The following TRIM67 variants were observed in gnomAD, a reference collection of about 807,000 sequenced individuals.
TRIM67 encodes tripartite motif containing 67, also known as tripartite motif-containing protein 67.
In TRIM67, 39 loss-of-function variants were observed where a neutral mutation model predicts 71.0. That is an observed-to-expected ratio of 0.55 (90% CI 0.43 to 0.72). The LOEUF (loss-of-function observed/expected upper bound fraction) is 0.72, where lower values mean the gene tolerates loss of function less well. TRIM67 is among the 30% of genes least tolerant of loss of function. The pLI is 0.00. For synonymous variants in TRIM67, 481 were observed against 473.9 expected (o/e 1.01, Z -0.19); for missense variants, 973 against 1,079.2 (o/e 0.90, Z 1.38).
chr1:231,212,821 T>TCACCGAGTGGA (rs1228773043), intron 8 of TRIM67, among the ~76,000 whole-genome samples: 4 of 152,296 alleles, frequency 2.6e-5, no homozygotes, highest in African/African-American at 9.6e-5. Context: ...TTCCTTACTT[T>TCACCGAGTGGA]TATTATAGAT....
intron 1 of TRIM67, among the ~76,000 whole-genome samples, chr1:231,176,173 C>A (rs1473083127): frequency 6.6e-6 from 1 of 152,164 alleles, no homozygotes; most frequent in Non-Finnish European, 1.5e-5. Context: ...GTTAAGAATT[C>A]TTTGAGTGCC....
intron 1 of TRIM67, among the ~76,000 whole-genome samples, chr1:231,171,272 G>C (rs182367163): frequency 3.0e-4 from 45 of 152,282 alleles, no homozygotes; most frequent in Middle Eastern, 3.4e-3. Flanking sequence ...CCCAGAGATG[G>C]GCAGGAATCT....
chr1:231,203,241 C>T (rs1209653073), intron 5 of TRIM67, among the ~76,000 whole-genome samples: 1 of 152,254 alleles, frequency 6.6e-6, no homozygotes, highest in Non-Finnish European at 1.5e-5. Flanking sequence ...CTCCCACTCT[C>T]ACCTTAATAG....
intron 4 of TRIM67, among the ~76,000 whole-genome samples, chr1:231,201,020 G>T (rs1338394435): frequency 6.6e-6 from 1 of 152,122 alleles, no homozygotes; most frequent in Non-Finnish European, 1.5e-5. Flanking sequence ...ACTTTGCAAA[G>T]TACTAGATCT....
rs1052243892 is a variant in TRIM67 at position 231,218,371 on chromosome 1, A to T, written c.*2931A>T. On this transcript the variant is annotated 3_prime_UTR_variant, in exon 10 of 10. Coordinates refer to ENST00000366653, the MANE Select transcript of TRIM67 (RefSeq NM_001004342.5). The stretch of plus-strand genomic sequence containing the variant: ...CAGTTTCAGTGAAAAAGGAATTCAA[A>T]GTAGTTTAAAAATGTCGAGTTCCAT... 3.0e-6 allele frequency: 3 copies of T among 985,992 alleles called. No individual in the cohort carries two copies. Among genetic ancestry groups the T allele is most frequent in the Non-Finnish European group, 3.6e-6 (3 of 830,392 alleles). The allele number at this position is 985,992 out of a possible 1,614,324, so 61.1% of individuals were successfully genotyped here.
rs1006315995 is a variant in TRIM67, at chr1:231,217,751, G to A, written c.*2311G>A. ...GTGGCCCCAGCTCTGCAGAAGAATC[G>A]CCCATCATTGGAGCACAAGTTGCCT... On this transcript the variant is annotated 3_prime_UTR_variant, in exon 10 of 10. Coordinates refer to ENST00000366653, the MANE Select transcript of TRIM67 (RefSeq NM_001004342.5). 4.1e-5 allele frequency: 52 copies of A among 1,269,628 alleles called. No individual in the cohort carries two copies. Among genetic ancestry groups the A allele is most frequent in the Admixed American group, 1.5e-4 (6 of 41,072 alleles). 78.6% of individuals were successfully genotyped at this position (1,269,628 alleles called of 1,614,324 possible).
Position 231,209,090 on chromosome 1 carries a change from C to A in TRIM67, c.1963C>A (p.Leu655Met). The A allele has an allele frequency of 6.2e-7, 1 of 1,613,970 alleles. No individual in the cohort carries two copies. The highest frequency in any genetic ancestry group is 8.5e-7 in the Non-Finnish European group (1 of 1,179,864). ...CTCCAAGGGCGTGCACTACTGGGAG[C>A]TGCACGTGGACCGGTACGACAACCA... is the stretch of plus-strand genomic sequence containing the variant. ...AFSKGVHYWE[L>M]HVDRYDNHPD... The change falls in exon 8 of 10, where the codon CTG (leucine) becomes ATG (methionine). Residue 655 changes from leucine to methionine, a missense_variant. Around this residue, in one of 2 missense-constraint regions of TRIM67, gnomAD observed 178 missense variants for 247.9 expected, o/e 0.72. Coordinates refer to ENST00000366653, the MANE Select transcript of TRIM67 (RefSeq NM_001004342.5). This position sits in a 1 kb window ranked among gnomAD's most constrained non-coding sequence, Gnocchi z 4.1.
At chr1:231,173,957 C>A (rs537709158) in intron 1 of TRIM67, among the ~76,000 whole-genome samples, 112 of 152,164 alleles carry the variant, frequency 7.4e-4, no homozygotes, top group African/African-American at 2.0e-3. Context: ...GCTTCTTGGA[C>A]TTTTGGTTTG....
rs541733205 is a variant in TRIM67 at position 231,207,256 on chromosome 1, A to T, written c.1819+466A>T. ...GTGAGTAGGACAGTCCCAGACAAGA[A>T]AACTCCACGATAGATGCAGTGGGCC... On this transcript the variant is annotated intron_variant, in intron 7 of 9. Coordinates refer to ENST00000366653, the MANE Select transcript of TRIM67 (RefSeq NM_001004342.5). Among the ~76,000 whole-genome samples the T allele has an allele frequency of 8.5e-5, 13 of 152,302 alleles. 1 individual carries two copies. In the South Asian group the frequency reaches 2.7e-3, roughly 32 times the overall value.
chr1:231,168,293 G>A (rs1221976180), intron 1 of TRIM67, among the ~76,000 whole-genome samples: 1 of 152,210 alleles, frequency 6.6e-6, no homozygotes, highest in Non-Finnish European at 1.5e-5. Flanking sequence ...CATTTCTGAC[G>A]GCTGCCTGCC....
intron 5 of TRIM67, among the ~76,000 whole-genome samples, chr1:231,202,132 T>TAATGGAGGAGGAGGAGGAGATGGA (rs1683556605): frequency 0.012 from 39 of 3,286 alleles, no homozygotes; most frequent in African/African-American, 0.026. Flanking sequence ...GAGGAGGAGA[T>TAATGGAGGAGGAGGAGGAGATGGA]GGAGGAGGAG....
At chr1:231,213,094 A>G (rs1683918332) in intron 8 of TRIM67, among the ~76,000 whole-genome samples, 1 of 152,170 alleles carries the variant, frequency 6.6e-6, no homozygotes, top group Non-Finnish European at 1.5e-5. Flanking sequence ...GGATGTCCAC[A>G]TCTTCATCGA....
Position 231,216,381 on chromosome 1 carries a change from C to T in TRIM67, c.*941C>T, listed in dbSNP as rs1684014266. 1 of 985,296 alleles carries T rather than the reference C, an allele frequency of 1.0e-6. No individual in the cohort carries two copies. Among genetic ancestry groups the T allele is most frequent in the Admixed American group, 6.2e-5 (1 of 16,258 alleles). 61.0% of individuals were successfully genotyped at this position (985,296 alleles called of 1,614,324 possible). On this transcript the variant is annotated 3_prime_UTR_variant, in exon 10 of 10. Transcript: ENST00000366653. ...CCACGTGAAAACACAAGAATTTTAA[C>T]AACTATGTCATAGGTCTTCGCCTGG...
Position 231,217,054 on chromosome 1 carries a change from T to G in TRIM67, c.*1614T>G. 1 of 985,946 alleles carries G rather than the reference T, an allele frequency of 1.0e-6. No individual in the cohort carries two copies. The allele number at this position is 985,946 out of a possible 1,614,324, so 61.1% of individuals were successfully genotyped here. A position where few individuals can be genotyped will look rare whatever the true frequency, so the allele number is the denominator to read the frequency against. On this transcript the variant is annotated 3_prime_UTR_variant, in exon 10 of 10. Coordinates refer to ENST00000366653, the MANE Select transcript of TRIM67 (RefSeq NM_001004342.5). ...CTGTGCGTCCTTGGTTCTGCCTTCC[T>G]GTTCAGACACCGCGCCTGCTTTCTG...
intron 1 of TRIM67, among the ~76,000 whole-genome samples, chr1:231,173,532 A>G (rs964800450): frequency 3.3e-5 from 5 of 152,218 alleles, no homozygotes; most frequent in Admixed American, 6.5e-5. Context: ...TTTCACAGAG[A>G]AGACAAGGGC....
chr1:231,163,386 T>A lies in TRIM67; in HGVS notation c.417T>A (p.Ala139=). ...TGCCCGCACCACCCGGCTCCTCGGC[T>A]GCGGCGGCTCGGGGTGCCGCCTGCT... ...PMVPAPPGSS[A]AAARGAACSS... is the part of the protein sequence containing the mutation. Residue 139 remains alanine, a synonymous_variant, in exon 1 of 10, where the codon GCT becomes GCA. Transcript: ENST00000366653. 1 of 1,536,262 alleles carries A rather than the reference T, an allele frequency of 6.5e-7. No homozygotes were observed. The highest frequency in any genetic ancestry group is 8.8e-7 in the Non-Finnish European group (1 of 1,142,818).
At chr1:231,191,230 A>C (rs937567974) in intron 1 of TRIM67, among the ~76,000 whole-genome samples, 1 of 152,002 alleles carries the variant, frequency 6.6e-6, no homozygotes, top group Admixed American at 6.6e-5. Context: ...CACTCAGCTA[A>C]TTTTTGTATT....
rs41307734 is a variant in TRIM67, at chr1:231,215,404, G to A, written c.2316G>A (p.Pro772=). 0.016 allele frequency: 26,178 copies of A among 1,612,146 alleles called. 263 individuals are homozygous for A. The highest frequency in any genetic ancestry group is 0.019 in the Non-Finnish European group (22,004 of 1,178,804). The change falls in exon 10 of 10, where the codon CCG becomes CCA. Residue 772 remains proline, a synonymous_variant. Coordinates refer to ENST00000366653, the MANE Select transcript of TRIM67 (RefSeq NM_001004342.5). ...QVTLHTGLEV[P]TNLGRPKLSG... ...CCCTGCACACAGGATTGGAAGTGCC[G>A]ACTAACCTGGGGCGGCCAAAGCTGT...
intron 2 of TRIM67, among the ~76,000 whole-genome samples, chr1:231,197,886 A>C (rs1683411192): frequency 6.6e-6 from 1 of 151,762 alleles, no homozygotes. Context: ...GAAGGAGAAG[A>C]AGAAAGGAAA....
Sources: allele counts gnomAD v4.1 joint callset (sites outside exome capture counted in the v4.1 genomes callset), GRCh38; gene constraint gnomAD v4.1.1; regional missense constraint gnomAD v4.1.1; non-coding constraint Gnocchi (gnomAD v3.1); transcripts MANE v1.5; gene names NCBI Gene and HGNC (gene_info 2026-07-23, HGNC 2026-07-21).